Variants in MACROD2 observed in about 807,000 individuals in gnomAD.
The protein encoded by MACROD2 is mono-ADP ribosylhydrolase 2.
In MACROD2, 36 loss-of-function variants were observed where a neutral mutation model predicts 70.4. The ratio of observed to expected loss-of-function variants is 0.51; its 90% confidence interval spans 0.39 to 0.68. The LOEUF (loss-of-function observed/expected upper bound fraction) is 0.68, where lower values mean the gene tolerates loss of function less well. MACROD2 is among the 30% of genes least tolerant of loss of function. The pLI, the probability that MACROD2 is intolerant of heterozygous loss-of-function variation, is 0.00. For missense variants in MACROD2, 496 were observed against 538.4 expected, an observed-to-expected ratio of 0.92 and a Z score of 0.78; for synonymous variants, 172 against 178.8, an observed-to-expected ratio of 0.96 and a Z score of 0.30.
chr20:14,929,232 T>C (rs1408392520), intron 5 of MACROD2: 1 of 152,176 alleles, frequency 6.6e-6, no homozygotes, highest in Non-Finnish European at 1.5e-5. Context: ...TCCCACAGAC[T>C]GCTCCACTTC....
In MACROD2 at chr20:15,736,895, A is replaced by G. The variant is rs17704207; in HGVS notation, c.646-125850A>G. Among the ~76,000 whole-genome samples the G allele has an allele frequency of 5.4e-3, 830 of 152,316 alleles. 13 individuals carry two copies. The highest frequency in any genetic ancestry group is 0.039 in the Admixed American group (597 of 15,292). On this transcript the variant is annotated intron_variant, in intron 8 of 17. Transcript: ENST00000684519. ...TTGAGGGACAATTGTATTGTAATAA[A>G]AGTCACAAAAGATTTTTGAGTTGAG...
intron 7 of MACROD2, among the ~76,000 whole-genome samples, chr20:15,479,265 C>CTTTTTTT (rs767435610): frequency 1.9e-4 from 17 of 87,760 alleles, no homozygotes; most frequent in African/African-American, 4.4e-4. Context: ...TTCTCGCTCT[C>CTTTTTTT]TTTTTTTTTT....
chr20:14,359,423 T>C (rs1402330855), intron 3 of MACROD2, among the ~76,000 whole-genome samples: 1 of 152,066 alleles, frequency 6.6e-6, no homozygotes, highest in African/African-American at 2.4e-5. Context: ...CCTCAAAATA[T>C]TAAAAATAGA....
chr20:14,839,693 A>G (rs757445513), intron 5 of MACROD2, among the ~76,000 whole-genome samples: 2 of 152,110 alleles, frequency 1.3e-5, no homozygotes, highest in African/African-American at 2.4e-5. Flanking sequence ...TCAGATGGCC[A>G]GTATTTGGGT....
At position 16,021,176 on chromosome 20, in the gene MACROD2, T is replaced by G. The variant is rs984964043; in HGVS notation, c.1154-20025T>G. On this transcript the variant is annotated intron_variant, in intron 15 of 17. Coordinates refer to ENST00000684519, the MANE Select transcript of MACROD2 (RefSeq NM_001351661.2). ...CCCAGGGACATGAAAATAAGTAGTA[T>G]TATTCTCCAAAAGTTAAAATAATAC... is the stretch of plus-strand genomic sequence containing the variant. 9.2e-5 allele frequency among the ~76,000 whole-genome samples: 14 copies of G among 152,280 alleles called. No individual in the cohort carries two copies. The East Asian group carries it at 1.2e-3, about 13-fold the overall frequency.
intron 15 of MACROD2, among the ~76,000 whole-genome samples, chr20:16,016,079 G>A (rs1219003243): frequency 1.3e-5 from 2 of 152,040 alleles, no homozygotes; most frequent in African/African-American, 4.8e-5. Flanking sequence ...ATCCAATCAG[G>A]ACTAAAAATA....
intron 13 of MACROD2, among the ~76,000 whole-genome samples, chr20:15,984,529 T>C (rs2066449259): frequency 6.6e-6 from 1 of 152,164 alleles, no homozygotes; most frequent in Non-Finnish European, 1.5e-5. Flanking sequence ...TTTCAACATG[T>C]CTTAACTTTT....
intron 8 of MACROD2, among the ~76,000 whole-genome samples, chr20:15,510,760 G>A (rs959293877): frequency 1.1e-4 from 16 of 152,178 alleles, no homozygotes; most frequent in Admixed American, 1.0e-3. Flanking sequence ...AAGACTGTGG[G>A]TCTCTGGCCA....
At chr20:15,978,611 TCTCTC>T (rs1568682369) in intron 13 of MACROD2, among the ~76,000 whole-genome samples, 2 of 144,856 alleles carry the variant, frequency 1.4e-5, no homozygotes, top group Non-Finnish European at 1.6e-5. Context: ...TCTCTCTCTC[TCTCTC>T]GTTCTTTCTC....
intron 5 of MACROD2, among the ~76,000 whole-genome samples, chr20:14,719,042 G>A (rs1424735698): frequency 6.6e-6 from 1 of 151,990 alleles, no homozygotes; most frequent in Non-Finnish European, 1.5e-5. Context: ...GACCATCCTG[G>A]CCAACATGGT....
chr20:14,135,140 T>G (rs1409960538), intron 3 of MACROD2, among the ~76,000 whole-genome samples: 3 of 152,200 alleles, frequency 2.0e-5, no homozygotes, highest in Non-Finnish European at 4.4e-5. Flanking sequence ...GGATTAGATT[T>G]GTAATTTACA....
At chr20:15,241,877 T>C (rs1167589485) in intron 6 of MACROD2, among the ~76,000 whole-genome samples, 3 of 152,000 alleles carry the variant, frequency 2.0e-5, no homozygotes, top group Admixed American at 2.0e-4. Flanking sequence ...GTCAGAAGCA[T>C]GAATAAGGAA....
intron 5 of MACROD2, among the ~76,000 whole-genome samples, chr20:15,159,209 G>A (rs1017470210): frequency 1.3e-5 from 2 of 151,980 alleles, no homozygotes; most frequent in Admixed American, 6.6e-5. Flanking sequence ...AACAAAAAGG[G>A]TAAAGCCACT....
chr20:14,043,278 C>T (rs2053420385), intron 2 of MACROD2, among the ~76,000 whole-genome samples: 1 of 152,138 alleles, frequency 6.6e-6, no homozygotes, highest in Non-Finnish European at 1.5e-5. Context: ...GGATCTCACA[C>T]CCTTTCCTTG....
chr20:14,070,615 G>A (rs373817817), intron 2 of MACROD2, among the ~76,000 whole-genome samples: 3 of 151,992 alleles, frequency 2.0e-5, no homozygotes, highest in South Asian at 2.1e-4. Context: ...TTTGGGGAGC[G>A]GGAATGTTGA....
chr20:14,884,824 C>T (rs62202768), intron 5 of MACROD2, among the ~76,000 whole-genome samples: 8,143 of 152,182 alleles, frequency 0.054, 331 homozygotes, highest in Non-Finnish European at 0.079. Context: ...CTGGAGGCTT[C>T]ATCTGTGTAA....
At chr20:15,590,676 AGT>A (rs1033222656) in intron 8 of MACROD2, among the ~76,000 whole-genome samples, 1 of 152,100 alleles carries the variant, frequency 6.6e-6, no homozygotes, top group Non-Finnish European at 1.5e-5. Flanking sequence ...TGAGGCCATG[AGT>A]TTGAGACCAG....
intron 5 of MACROD2, among the ~76,000 whole-genome samples, chr20:14,943,997 C>T (rs755921117): frequency 1.4e-4 from 21 of 152,216 alleles, no homozygotes; most frequent in South Asian, 6.2e-4. Flanking sequence ...TCTGACCTTC[C>T]GGTGCTCTTC....
intron 8 of MACROD2, among the ~76,000 whole-genome samples, chr20:15,550,842 G>A (rs1353706850): frequency 6.6e-6 from 1 of 152,110 alleles, no homozygotes; most frequent in African/African-American, 2.4e-5. Context: ...GCATTGTAAG[G>A]ATGAGAAAAC....
Sources: allele counts gnomAD v4.1 joint callset (sites outside exome capture counted in the v4.1 genomes callset), GRCh38; gene constraint gnomAD v4.1.1; transcripts MANE v1.5; gene names NCBI Gene and HGNC (gene_info 2026-07-23, HGNC 2026-07-21).